Variants in CDH13 observed in about 807,000 individuals in gnomAD.
CDH13 encodes cadherin 13.
In CDH13, 24 loss-of-function variants were observed where a neutral mutation model predicts 63.8. That is an observed-to-expected ratio of 0.38 (90% CI 0.27 to 0.53). CDH13 has a LOEUF of 0.53. Ranked by LOEUF, CDH13 falls within the 20% of genes least tolerant of loss-of-function variation. The pLI, the probability that CDH13 is intolerant of heterozygous loss-of-function variation, is 0.85. For missense variants in CDH13, 1,049 were observed against 903.1 expected (o/e 1.16, Z -2.07); for synonymous variants, 503 against 355.3 (o/e 1.42, Z -4.67).
intron 5 of CDH13, among the ~76,000 whole-genome samples, chr16:83,259,479 C>G (rs16959947): frequency 0.07 from 10,600 of 152,050 alleles, 527 homozygotes; most frequent in East Asian, 0.24. Context: ...CAGTGGAGTT[C>G]TCGACGTTCG....
At chr16:83,126,990 C>T (rs1353918545) in intron 4 of CDH13, among the ~76,000 whole-genome samples, 3 of 152,092 alleles carry the variant, frequency 2.0e-5, no homozygotes, top group African/African-American at 4.8e-5. Context: ...GGAATCTTCA[C>T]GCAGATGGCT....
chr16:82,758,583 T>A (rs1022108538), intron 1 of CDH13, among the ~76,000 whole-genome samples: 1 of 152,122 alleles, frequency 6.6e-6, no homozygotes, highest in Non-Finnish European at 1.5e-5. Context: ...GGTCACATGT[T>A]CCCAGTGAGC....
chr16:83,792,366 TATC>T (rs10590449), intron 13 of CDH13, among the ~76,000 whole-genome samples: 9,736 of 152,334 alleles, frequency 0.064, 456 homozygotes, highest in Non-Finnish European at 0.1. Flanking sequence ...TCACTTATGT[TATC>T]ATCTAAATTG....
At chr16:83,050,659 A>G (rs1325331306) in intron 3 of CDH13, among the ~76,000 whole-genome samples, 1 of 152,020 alleles carries the variant, frequency 6.6e-6, no homozygotes, top group East Asian at 1.9e-4. Context: ...CTCCAAATTT[A>G]TAGCTTCATT....
chr16:83,177,322 A>G (rs1369971361), intron 4 of CDH13, among the ~76,000 whole-genome samples: 1 of 152,190 alleles, frequency 6.6e-6, no homozygotes, highest in African/African-American at 2.4e-5. Flanking sequence ...CTTCAAAGGT[A>G]GGGACTAATC....
chr16:83,076,711 AT>A (rs1401078288), intron 3 of CDH13, among the ~76,000 whole-genome samples: 9 of 152,130 alleles, frequency 5.9e-5, no homozygotes, highest in South Asian at 2.1e-4. Flanking sequence ...AGCAACAGAT[AT>A]GTAACACTCC....
At chr16:83,772,008 G>A (rs1187560849) in intron 11 of CDH13, among the ~76,000 whole-genome samples, 2 of 152,182 alleles carry the variant, frequency 1.3e-5, no homozygotes, top group Non-Finnish European at 2.9e-5. Flanking sequence ...TTTGCTCCTG[G>A]TATTTTCCCC....
intron 7 of CDH13, among the ~76,000 whole-genome samples, chr16:83,487,106 A>G (rs897340060): frequency 2.0e-5 from 3 of 152,080 alleles, no homozygotes; most frequent in Admixed American, 2.0e-4. Context: ...GGCATCCTGC[A>G]TTCCCCCTTG....
intron 2 of CDH13, among the ~76,000 whole-genome samples, chr16:83,001,545 T>C (rs1030758650): frequency 2.6e-5 from 4 of 152,262 alleles, no homozygotes; most frequent in Non-Finnish European, 5.9e-5. Flanking sequence ...ACTTTCATTT[T>C]AATTTAAGAA....
chr16:82,687,073 G>C (rs149664122), intron 1 of CDH13, among the ~76,000 whole-genome samples: 258 of 152,336 alleles, frequency 1.7e-3, no homozygotes, highest in African/African-American at 5.8e-3. Flanking sequence ...TGGGCAGAGA[G>C]GGGAATGGAA....
chr16:83,520,092 G>A (rs1192546728), intron 7 of CDH13, among the ~76,000 whole-genome samples: 1 of 152,132 alleles, frequency 6.6e-6, no homozygotes, highest in Non-Finnish European at 1.5e-5. Context: ...TGACAAGTAT[G>A]TAGAACAACT....
rs974267044 is a variant in CDH13, at chr16:82,810,274, G to A, written c.46-48088G>A. ...AGAATGGGTGAGGACCTAGGACAGC[G>A]GCTCATTAGGCAGAACCCGTCCTTT... On this transcript the variant is annotated intron_variant, in intron 1 of 13. Transcript: ENST00000567109. Among the ~76,000 whole-genome samples, 9 of 152,120 alleles carry A rather than the reference G, an allele frequency of 5.9e-5. No homozygotes were observed. In the South Asian group the frequency reaches 1.0e-3, roughly 17 times the overall value.
chr16:83,672,010 G>A (rs1266275064), intron 9 of CDH13, among the ~76,000 whole-genome samples: 2 of 152,178 alleles, frequency 1.3e-5, no homozygotes, highest in Middle Eastern at 3.2e-3. Flanking sequence ...CTTTTCTAGT[G>A]GATGAAGCCA....
chr16:82,627,211 A>T, intron 1 of CDH13, 74 bp downstream of exon 1: 11 of 1,312,048 alleles, frequency 8.4e-6, no homozygotes, highest in Non-Finnish European at 9.7e-6. Flanking sequence ...GGGCAGGGTG[A>T]GGGGGCTTTC....
intron 1 of CDH13, among the ~76,000 whole-genome samples, chr16:82,794,316 G>T (rs10514565): frequency 7.2e-6 from 1 of 138,286 alleles, no homozygotes; most frequent in Middle Eastern, 3.5e-3. Context: ...CTACAAACTC[G>T]CCAGCTCTGC....
At chr16:82,677,671 AAC>A (rs1260309380) in intron 1 of CDH13, among the ~76,000 whole-genome samples, 4 of 152,156 alleles carry the variant, frequency 2.6e-5, no homozygotes, top group African/African-American at 4.8e-5. Context: ...AGACTCACAA[AAC>A]ACAATACACT....
At chr16:82,695,025 G>A (rs2030093113) in intron 1 of CDH13, among the ~76,000 whole-genome samples, 1 of 152,134 alleles carries the variant, frequency 6.6e-6, no homozygotes, top group Non-Finnish European at 1.5e-5. Context: ...AGGAGGCAGT[G>A]GAGGAGCTAA....
intron 8 of CDH13, among the ~76,000 whole-genome samples, chr16:83,648,262 A>C (rs1012227237): frequency 2.0e-5 from 3 of 152,174 alleles, no homozygotes; most frequent in African/African-American, 4.8e-5. Context: ...TACATGCAAG[A>C]ACAAGCCAGT....
intron 1 of CDH13, among the ~76,000 whole-genome samples, chr16:82,671,892 G>GC (rs1259928268): frequency 6.6e-6 from 1 of 152,270 alleles, no homozygotes; most frequent in African/African-American, 2.4e-5. Flanking sequence ...CCTGAGAAGT[G>GC]CCCCCTGCTG....
Sources: allele counts gnomAD v4.1 joint callset (sites outside exome capture counted in the v4.1 genomes callset), GRCh38; gene constraint gnomAD v4.1.1; transcripts MANE v1.5; gene names NCBI Gene and HGNC (gene_info 2026-07-23, HGNC 2026-07-21).